The following SIK3 variants were observed in gnomAD, a reference collection of about 807,000 sequenced individuals.
SIK3 encodes the protein serine/threonine-protein kinase SIK3.
SIK3 carries 28 observed loss-of-function variants against 144.2 expected under a neutral mutation model. That is an observed-to-expected ratio of 0.19 (90% CI 0.14 to 0.27). The LOEUF (loss-of-function observed/expected upper bound fraction) is 0.27. SIK3 is among the 10% of genes least tolerant of loss of function. SIK3 has a pLI of 1.00. For synonymous variants in SIK3, 686 were observed against 676.3 expected, an observed-to-expected ratio of 1.01 and a Z score of -0.22; for missense variants, 1,319 against 1,776.0, an observed-to-expected ratio of 0.74 and a Z score of 4.62.
At chr11:117,063,527 T>A (rs975002719) in intron 1 of SIK3, among the ~76,000 whole-genome samples, 1 of 151,842 alleles carries the variant, frequency 6.6e-6, no homozygotes, top group Admixed American at 6.6e-5. Flanking sequence ...AATAAAGATG[T>A]GAGTAAAAAG....
intron 1 of SIK3, among the ~76,000 whole-genome samples, chr11:117,037,803 C>A (rs75366255): frequency 1.3e-5 from 2 of 148,394 alleles, no homozygotes; most frequent in African/African-American, 5.1e-5. Context: ...AACACACACA[C>A]AAAAACCAAC....
intron 1 of SIK3, among the ~76,000 whole-genome samples, chr11:117,017,636 G>C (rs1024604602): frequency 1.3e-5 from 2 of 152,026 alleles, no homozygotes; most frequent in African/African-American, 4.8e-5. Flanking sequence ...ATTTACTCCT[G>C]ATTAGGTCAT....
At chr11:117,027,509 A>AT (rs1351088704) in intron 1 of SIK3, among the ~76,000 whole-genome samples, 1 of 151,338 alleles carries the variant, frequency 6.6e-6, no homozygotes, top group African/African-American at 2.4e-5. Context: ...CCCAGGCTGG[A>AT]TGGAGTGCAA....
chr11:117,096,944 C>T (rs1262128363), intron 1 of SIK3, among the ~76,000 whole-genome samples: 1 of 152,146 alleles, frequency 6.6e-6, no homozygotes, highest in Non-Finnish European at 1.5e-5. Context: ...TTCTTCATTC[C>T]TCAGGCTGAG....
At chr11:117,085,326 G>A (rs1385082341) in intron 1 of SIK3, among the ~76,000 whole-genome samples, 1 of 152,002 alleles carries the variant, frequency 6.6e-6, no homozygotes, top group East Asian at 1.9e-4. Flanking sequence ...CACTACTACC[G>A]TGCTGCTCAG....
chr11:116,847,657 C>G (rs1344653282), intron 22 of SIK3, 49 bp from the exon 23 acceptor site: 1 of 1,610,328 alleles, frequency 6.2e-7, no homozygotes, highest in Non-Finnish European at 8.5e-7. Context: ...ACACCACTCT[C>G]AGGCAACCCC....
chr11:117,073,365 G>A (rs564068614), intron 1 of SIK3, among the ~76,000 whole-genome samples: 18 of 152,244 alleles, frequency 1.2e-4, no homozygotes, highest in Admixed American at 2.0e-4. Context: ...TTCTGGTTAT[G>A]TACAGCTGTG....
At chr11:116,948,994 C>T (rs1276245747) in intron 3 of SIK3, among the ~76,000 whole-genome samples, 2 of 151,292 alleles carry the variant, frequency 1.3e-5, no homozygotes, top group South Asian at 2.1e-4. Flanking sequence ...TTAAACAACA[C>T]ACTAATAAAT....
chr11:116,925,854 G>C (rs1419721134), intron 4 of SIK3, among the ~76,000 whole-genome samples: 1 of 152,194 alleles, frequency 6.6e-6, no homozygotes, highest in Non-Finnish European at 1.5e-5. Context: ...ATAAGATAAA[G>C]AAAGCCTTTA....
At chr11:117,072,483 T>TA in intron 1 of SIK3, among the ~76,000 whole-genome samples, 1 of 152,346 alleles carries the variant, frequency 6.6e-6, no homozygotes, top group Non-Finnish European at 1.5e-5. Flanking sequence ...ACTAAAAGTG[T>TA]AAACAGCTAT....
intron 21 of SIK3, among the ~76,000 whole-genome samples, chr11:116,850,980 G>A (rs970534296): frequency 4.6e-5 from 7 of 152,224 alleles, no homozygotes; most frequent in African/African-American, 1.7e-4. Context: ...CTGCACTCCA[G>A]CCTGGGCAAC....
At chr11:116,885,874 C>A (rs1471044042) in intron 6 of SIK3, among the ~76,000 whole-genome samples, 1 of 152,156 alleles carries the variant, frequency 6.6e-6, no homozygotes, top group Non-Finnish European at 1.5e-5. Context: ...TATCAAATAA[C>A]CTCTCATACA....
At position 116,849,120 on chromosome 11, in the gene SIK3, A is replaced by G; in HGVS notation, c.3819T>C (p.Tyr1273=). The change falls in exon 22 of 25, where the codon TAT becomes TAC. Residue 1273 remains tyrosine, a splice_region_variant and synonymous_variant. Coordinates refer to ENST00000445177, the MANE Select transcript of SIK3 (RefSeq NM_001366686.3). The surrounding 1 kb of genome is among the most constrained non-coding windows in gnomAD (Gnocchi z 4.2). ...TGTGCAGCAGGTGGGACCAACATAC[A>G]TAAGCATCGTCGCTGTTCTGGATCG... The part of the protein sequence containing the change: ...HHTIQNSDDA[Y]VQLDNLPGMS... 6.3e-7 allele frequency: 1 copy of G among 1,587,154 alleles called. No individual in the cohort carries two copies. The highest frequency in any genetic ancestry group is 8.6e-7 in the Non-Finnish European group (1 of 1,163,184).
chr11:117,049,973 A>G (rs1953154397), intron 1 of SIK3, among the ~76,000 whole-genome samples: 1 of 143,428 alleles, frequency 7.0e-6, no homozygotes, highest in African/African-American at 2.6e-5. Context: ...AAAAAAAAAT[A>G]GGATCTTATA....
chr11:116,874,501 T>C (rs1360008456), intron 11 of SIK3, among the ~76,000 whole-genome samples: 1 of 152,220 alleles, frequency 6.6e-6, no homozygotes, highest in Non-Finnish European at 1.5e-5. Flanking sequence ...AGGGCTATCT[T>C]GCTACAATGA....
rs1281322398 is a variant in SIK3 at position 116,844,622 on chromosome 11, T to G, written c.*1021A>C. ...TTATATATATATTATATATATAATATATATATAATATATTATATTATATAT... is the reference window on the plus strand; with the variant it reads ...TTATATATATATTATATATATAATAGATATATAATATATTATATTATATAT... On this transcript the variant is annotated 3_prime_UTR_variant, in exon 25 of 25. Transcript: ENST00000445177. 2.9e-5 allele frequency: 1 copy of G among 34,836 alleles called. No homozygotes were observed. Among genetic ancestry groups the G allele is most frequent in the Non-Finnish European group, 5.4e-5 (1 of 18,506 alleles). 2.2% of individuals were successfully genotyped at this position (34,836 alleles called of 1,614,324 possible).
intron 4 of SIK3, among the ~76,000 whole-genome samples, chr11:116,898,976 T>C (rs1021250043): frequency 6.8e-6 from 1 of 147,528 alleles, no homozygotes; most frequent in Non-Finnish European, 1.5e-5. Context: ...TTTAGTTTAA[T>C]TAGATCCCAC....
chr11:117,063,604 T>A (rs1368899634), intron 1 of SIK3, among the ~76,000 whole-genome samples: 1 of 151,188 alleles, frequency 6.6e-6, no homozygotes, highest in Admixed American at 6.6e-5. Context: ...TTTTTTTTTT[T>A]AGATGGAATC....
At position 116,876,944 on chromosome 11, in the gene SIK3, C is replaced by T. The variant is rs149002040; in HGVS notation, c.964G>A (p.Ala322Thr). The change falls in exon 7 of 25, where the codon GCC becomes ACC. Residue 322 changes from alanine (A) to threonine (T), a missense_variant. Physicochemically the swap from Ala to Thr is moderately conservative, Grantham distance 58. This residue lies in a region of SIK3 where 34 missense variants were observed against 56.1 expected (regional missense o/e 0.61). Transcript: ENST00000445177. ...CKHKWMKLGD[A>T]DPNFDRLIAE... ...CTCACCCTGTCAAAGTTGGGATCGG[C>T]GTCCCCTAGCTTCATCCACTTGTGC... 8.7e-5 allele frequency: 140 copies of T among 1,614,138 alleles called. No homozygotes were observed. The East Asian group carries it at 2.6e-3, about 30-fold the overall frequency.
Sources: allele counts gnomAD v4.1 joint callset (sites outside exome capture counted in the v4.1 genomes callset), GRCh38; gene constraint gnomAD v4.1.1; regional missense constraint gnomAD v4.1.1; non-coding constraint Gnocchi (gnomAD v3.1); transcripts MANE v1.5; gene names NCBI Gene and HGNC (gene_info 2026-07-23, HGNC 2026-07-21).